Variants in RARS2 observed in about 807,000 individuals in gnomAD.
RARS2 encodes the protein probable arginine--tRNA ligase, mitochondrial.
A neutral mutation model predicts 88.5 loss-of-function variants in RARS2; 67 were observed. That is an observed-to-expected ratio of 0.76 (90% CI 0.62 to 0.93). RARS2 has a LOEUF of 0.93. RARS2 is among the 40% of genes least tolerant of loss of function. The pLI is 0.00. For synonymous variants in RARS2, 239 were observed against 230.3 expected, an observed-to-expected ratio of 1.04 and a Z score of -0.34; for missense variants, 664 against 684.2, an observed-to-expected ratio of 0.97 and a Z score of 0.33.
intron 10 of RARS2, among the ~76,000 whole-genome samples, chr6:87,525,703 C>T (rs749701420): frequency 2.6e-5 from 4 of 152,048 alleles, no homozygotes; most frequent in Non-Finnish European, 4.4e-5. Flanking sequence ...CGCGCCACCA[C>T]GTCCAGTTAA....
chr6:87,534,546 A>C (rs150930333), intron 8 of RARS2, among the ~76,000 whole-genome samples: 1 of 152,058 alleles, frequency 6.6e-6, no homozygotes, highest in Non-Finnish European at 1.5e-5. Flanking sequence ...CTCAGCTATT[A>C]ATGTGTACTT....
chr6:87,527,617 A>G (rs1776174429), intron 10 of RARS2, among the ~76,000 whole-genome samples: 1 of 152,196 alleles, frequency 6.6e-6, no homozygotes, highest in Non-Finnish European at 1.5e-5. Flanking sequence ...ATGAAGAGAC[A>G]ACCTAGAGGA....
At chr6:87,564,101 G>T in intron 3 of RARS2, 29 bp downstream of exon 3, 1 of 1,509,748 alleles carries the variant, frequency 6.6e-7, no homozygotes, top group Non-Finnish European at 9.2e-7. Context: ...TTATTACAAT[G>T]TCAAAAAGAG....
At chr6:87,565,081 G>C (rs1462698729) in intron 2 of RARS2, among the ~76,000 whole-genome samples, 1 of 152,018 alleles carries the variant, frequency 6.6e-6, no homozygotes. Context: ...TCTTATACTA[G>C]CCACCTTATT....
chr6:87,573,172 G>T (rs773478544), intron 1 of RARS2, among the ~76,000 whole-genome samples: 4 of 152,126 alleles, frequency 2.6e-5, no homozygotes, highest in Non-Finnish European at 5.9e-5. Flanking sequence ...CACGTATGGG[G>T]AGGCCTCAGA....
In RARS2 at chr6:87,541,937, G is replaced by A; in HGVS notation, c.593C>T (p.Pro198Leu). The part of the protein sequence containing the change: ...FGYEEKLQSN[P>L]LQHLFEVYVQ... ...ACTTACTTCAAAGAGATGCTGTAGA[G>A]GATTGGACTGCAGTTTTTCCTCATA... The change falls in exon 8 of 20, where the codon CCT (proline) becomes CTT (leucine). Residue 198 changes from proline to leucine, a missense_variant. By Grantham distance (98) the Pro-to-Leu change is moderately conservative. Coordinates refer to ENST00000369536, the MANE Select transcript of RARS2 (RefSeq NM_020320.5). 6.2e-7 allele frequency: 1 copy of A among 1,613,270 alleles called. No individual in the cohort carries two copies. Among genetic ancestry groups the A allele is most frequent in the Non-Finnish European group, 8.5e-7 (1 of 1,179,350 alleles).
At chr6:87,547,742 C>G (rs1280671640) in intron 6 of RARS2, among the ~76,000 whole-genome samples, 1 of 151,740 alleles carries the variant, frequency 6.6e-6, no homozygotes, top group Non-Finnish European at 1.5e-5. Context: ...CGGGTTCAAG[C>G]GATTCTCCCA....
chr6:87,545,532 T>C, intron 7 of RARS2, 84 bp downstream of exon 7: 1 of 1,576,686 alleles, frequency 6.3e-7, no homozygotes, highest in South Asian at 1.1e-5. Context: ...TCCAATGGGA[T>C]TCTGCCTATA....
intron 6 of RARS2, among the ~76,000 whole-genome samples, chr6:87,546,947 C>T (rs1351843123): frequency 1.3e-5 from 2 of 152,148 alleles, no homozygotes; most frequent in African/African-American, 4.8e-5. Context: ...TATCACAAAT[C>T]CAATTAAATG....
At chr6:87,527,555 G>C (rs1365744096) in intron 10 of RARS2, among the ~76,000 whole-genome samples, 1 of 152,084 alleles carries the variant, frequency 6.6e-6, no homozygotes, top group East Asian at 1.9e-4. Context: ...ACACAGATGG[G>C]ATTGCATAAA....
At chr6:87,521,422 T>G (rs1773792765) in intron 12 of RARS2, 42 bp downstream of exon 12, 1 of 1,446,222 alleles carries the variant, frequency 6.9e-7, no homozygotes, top group African/African-American at 1.4e-5. Context: ...TCTGTAGTTT[T>G]CATGAGTTAA....
At chr6:87,516,614 A>G (rs1413693553) in intron 18 of RARS2, among the ~76,000 whole-genome samples, 192 bp downstream of exon 18, 1 of 152,220 alleles carries the variant, frequency 6.6e-6, no homozygotes, top group Non-Finnish European at 1.5e-5. Context: ...TCTCCAGTCT[A>G]CAGTGACAGT....
chr6:87,539,600 AAGTTGCT>A (rs373689331), intron 8 of RARS2, among the ~76,000 whole-genome samples: 300 of 152,234 alleles, frequency 2.0e-3, no homozygotes, highest in African/African-American at 7.0e-3. Flanking sequence ...TGAAAAGTTA[AAGTTGCT>A]AGCCAATCGG....
At chr6:87,562,329 T>C (rs1490979501) in intron 4 of RARS2, among the ~76,000 whole-genome samples, 1 of 152,178 alleles carries the variant, frequency 6.6e-6, no homozygotes, top group African/African-American at 2.4e-5. Context: ...GAATATTGTA[T>C]GCAACTGTAT....
chr6:87,526,902 C>T (rs1366219587), intron 10 of RARS2, among the ~76,000 whole-genome samples: 1 of 151,880 alleles, frequency 6.6e-6, no homozygotes, highest in African/African-American at 2.4e-5. Context: ...AACTCCCAAC[C>T]TCAGGTGATC....
chr6:87,519,361 G>A, intron 14 of RARS2: 1 of 498,794 alleles, frequency 2.0e-6, no homozygotes, highest in Non-Finnish European at 3.6e-6. Flanking sequence ...AGCTGTTCAT[G>A]AAAAGAGGAC....
At chr6:87,525,983 A>G (rs897304178) in intron 10 of RARS2, among the ~76,000 whole-genome samples, 6 of 152,228 alleles carry the variant, frequency 3.9e-5, no homozygotes, top group African/African-American at 1.4e-4. Flanking sequence ...TGTACACTGA[A>G]AACTATATAA....
At chr6:87,574,706 T>C (rs1298922920) in intron 1 of RARS2, among the ~76,000 whole-genome samples, 1 of 152,110 alleles carries the variant, frequency 6.6e-6, no homozygotes, top group East Asian at 1.9e-4. Flanking sequence ...TATTCACAAA[T>C]GCTTCAGGAT....
At chr6:87,532,585 G>A (rs1777863514) in intron 8 of RARS2, among the ~76,000 whole-genome samples, 1 of 152,172 alleles carries the variant, frequency 6.6e-6, no homozygotes, top group Admixed American at 6.5e-5. Flanking sequence ...TGACTCCACT[G>A]GGAAAATTTG....
Sources: gnomAD v4.1 joint callset for allele counts (sites outside exome capture counted in the v4.1 genomes callset) on GRCh38, gnomAD v4.1.1 for gene constraint, MANE v1.5 for transcripts, NCBI Gene and HGNC (gene_info 2026-07-23, HGNC 2026-07-21) for gene names.